The following CHD8 variants were observed in gnomAD, a reference collection of about 807,000 sequenced individuals.
CHD8 encodes ATP-dependent chromatin remodeler CHD8.
Under a neutral mutation model 279.2 loss-of-function variants are expected in CHD8, and 31 were observed. That is an observed-to-expected ratio of 0.11 (90% CI 0.08 to 0.15). The LOEUF is 0.15. Among genes scored for constraint, CHD8 ranks in the 10% least tolerant of loss-of-function variants. CHD8 has a pLI of 1.00. For missense variants in CHD8, 2,146 were observed against 3,230.5 expected (o/e 0.66, Z 8.14); for synonymous variants, 1,081 against 1,139.6 (o/e 0.95, Z 1.04).
chr14:21,401,824 GA>G, intron 20 of CHD8, 132 bp downstream of exon 20: 1 of 804,722 alleles, frequency 1.2e-6, no homozygotes, highest in Non-Finnish European at 2.0e-6. Context: ...GACCTCAAGT[GA>G]TCTGCCCGCC....
At chr14:21,414,092 A>C (rs1888619848) in intron 9 of CHD8, 15 of 493,504 alleles carry the variant, frequency 3.0e-5, no homozygotes, top group South Asian at 2.2e-4. Flanking sequence ...CAGTTTCAAA[A>C]TATCCTATAA....
In CHD8 at chr14:21,394,209, G is replaced by C. The variant is rs1887671961; in HGVS notation, c.5600-14C>G. On this transcript the variant is annotated splice_polypyrimidine_tract_variant and intron_variant, in intron 31 of 37. Transcript: ENST00000646647. ...GGTCGGGGGGTTCTGCAAGAGACAG[G>C]AGTAGAAGAAATTAACAGAGTTGCT... 1 of 1,610,140 alleles carries C rather than the reference G, an allele frequency of 6.2e-7. No homozygotes were observed. The highest frequency in any genetic ancestry group is 8.5e-7 in the Non-Finnish European group (1 of 1,177,104).
At position 21,390,840 on chromosome 14, in the gene CHD8, C is replaced by G. The variant is rs191818793; in HGVS notation, c.7182+107G>C. Reference sequence around the variant, plus strand: ...AACTCAAGATAATTCTTCACACAAACAAACATAGGAAAAAAGATAAATAAC... The same window carrying G: ...AACTCAAGATAATTCTTCACACAAAGAAACATAGGAAAAAAGATAAATAAC... On this transcript the variant is annotated intron_variant, in intron 37 of 37. Transcript: ENST00000646647. 175 of 645,718 alleles carry G rather than the reference C, an allele frequency of 2.7e-4. 1 individual carries two copies. The East Asian group carries it at 3.1e-3, about 11-fold the overall frequency. 40.0% of individuals were successfully genotyped at this position (645,718 alleles called of 1,614,324 possible). A position where few individuals can be genotyped will look rare whatever the true frequency, so the allele number is the denominator to read the frequency against.
Position 21,402,986 on chromosome 14 carries a change from A to T in CHD8, c.3714+31T>A. 6.5e-7 allele frequency: 1 copy of T among 1,546,354 alleles called. No homozygotes were observed. Among genetic ancestry groups the T allele is most frequent in the Non-Finnish European group, 8.9e-7 (1 of 1,125,274 alleles). On this transcript the variant is annotated intron_variant, in intron 18 of 37. Coordinates refer to ENST00000646647, the MANE Select transcript of CHD8 (RefSeq NM_001170629.2). The surrounding 1 kb of genome is among the most constrained non-coding windows in gnomAD (Gnocchi z 4.5). ...TGTTGAAAAATCTCCCAAGTTAGGT[A>T]GTTAGTCCCTAAGACAATGAATTCC...
At chr14:21,424,631 C>T (rs548757548) in intron 5 of CHD8, among the ~76,000 whole-genome samples, 9 of 152,128 alleles carry the variant, frequency 5.9e-5, no homozygotes, top group South Asian at 2.1e-4. Flanking sequence ...CCACCACGCC[C>T]GGCTAATTTT....
At chr14:21,428,406 T>A (rs771963463) in intron 3 of CHD8, among the ~76,000 whole-genome samples, 152 bp from the exon 4 acceptor site, 1 of 152,266 alleles carries the variant, frequency 6.6e-6, no homozygotes, top group Non-Finnish European at 1.5e-5. Context: ...ACCTACTTTT[T>A]AAAATGTATT....
intron 1 of CHD8, among the ~76,000 whole-genome samples, chr14:21,448,681 T>C (rs1890182880): frequency 6.6e-6 from 1 of 151,816 alleles, no homozygotes; most frequent in Non-Finnish European, 1.5e-5. Flanking sequence ...CTCAGCCTCC[T>C]GAGTAGCTGG....
In CHD8 at chr14:21,432,280, T is replaced by C. The variant is rs554456426; in HGVS notation, c.-215-422A>G. ...AAAGGTTTCTGGATATATTCTATTG[T>C]ATAAATTTTTCTTGTGTTTTATATA... On this transcript the variant is annotated intron_variant, in intron 1 of 37. Transcript: ENST00000646647. 1.4e-3 allele frequency among the ~76,000 whole-genome samples: 206 copies of C among 152,346 alleles called. 1 individual carries two copies. The highest frequency in any genetic ancestry group is 3.7e-3 in the African/African-American group (155 of 41,580).
At chr14:21,424,494 G>C (rs1889213089) in intron 5 of CHD8, among the ~76,000 whole-genome samples, 1 of 151,394 alleles carries the variant, frequency 6.6e-6, no homozygotes, top group African/African-American at 2.4e-5. Context: ...TTTTTGAGGT[G>C]GAGTTTCACT....
intron 27 of CHD8, chr14:21,397,019 C>T (rs1405654110): frequency 5.7e-6 from 1 of 176,874 alleles, no homozygotes; most frequent in East Asian, 1.5e-4. Context: ...ACACTTTGAT[C>T]AACACAGTTC....
intron 1 of CHD8, among the ~76,000 whole-genome samples, chr14:21,432,818 C>T (rs1889619888): frequency 6.6e-6 from 1 of 152,156 alleles, no homozygotes; most frequent in Admixed American, 6.5e-5. Flanking sequence ...AATACCCACA[C>T]CATTGTTTAT....
At chr14:21,389,680 T>C (rs1039072786) in intron 37 of CHD8, among the ~76,000 whole-genome samples, 1 of 152,118 alleles carries the variant, frequency 6.6e-6, no homozygotes, top group Non-Finnish European at 1.5e-5. Context: ...CAAGAGAAAC[T>C]TTTGCAGTTG....
chr14:21,385,470 A>ATTT lies in CHD8; in HGVS notation c.*140_*142dup. The stretch of plus-strand genomic sequence containing the variant: ...CTCATAATTGGGAGCAATCAGGTAC[A>ATTT]TTTTTTTTTTTTTTTCCTTTTCACC... On this transcript the variant is annotated 3_prime_UTR_variant, in exon 38 of 38. Transcript: ENST00000646647. The ATTT allele has an allele frequency of 1.6e-5, 17 of 1,073,934 alleles. No individual in the cohort carries two copies. The highest frequency in any genetic ancestry group is 2.0e-5 in the South Asian group (1 of 50,014). The allele number at this position is 1,073,934 out of a possible 1,614,324, so 66.5% of individuals were successfully genotyped here.
intron 1 of CHD8, among the ~76,000 whole-genome samples, chr14:21,443,158 G>C (rs1237415064): frequency 6.6e-6 from 1 of 152,100 alleles, no homozygotes; most frequent in Non-Finnish European, 1.5e-5. Flanking sequence ...TTGGGAGGCC[G>C]AGGCGGGAGG....
rs1297054280 is a variant in CHD8, at chr14:21,394,070, G to T, written c.5725C>A (p.Arg1909=). 6 of 1,613,814 alleles carry T rather than the reference G, an allele frequency of 3.7e-6. No individual in the cohort carries two copies. The highest frequency in any genetic ancestry group is 5.1e-6 in the Non-Finnish European group (6 of 1,179,866). The change falls in exon 32 of 38, where the codon CGG becomes AGG. Residue 1909 remains arginine (R), a synonymous_variant. Coordinates refer to ENST00000646647, the MANE Select transcript of CHD8 (RefSeq NM_001170629.2). ...CCAGGAGGCTGACACAATGCCAGCC[G>T]ATCTTCCAAAAGGGGGTGGCATAAA... ...QVLCHPLLED[R]LALCQPPGPE... is the part of the protein sequence containing the mutation.
intron 5 of CHD8, 56 bp downstream of exon 5, chr14:21,426,072 G>T: frequency 2.0e-6 from 2 of 1,018,566 alleles, no homozygotes; most frequent in South Asian, 1.4e-5. Flanking sequence ...TGCTTGGCTT[G>T]GTTAGCCATA....
intron 1 of CHD8, among the ~76,000 whole-genome samples, chr14:21,446,219 T>A (rs1212329589): frequency 1.3e-5 from 2 of 152,094 alleles, no homozygotes; most frequent in African/African-American, 4.8e-5. Context: ...TTTCCTTGAT[T>A]TCCCAGACTA....
At chr14:21,407,065 C>A in intron 13 of CHD8, 33 bp from the exon 14 acceptor site, 6 of 1,511,496 alleles carry the variant, frequency 4.0e-6, no homozygotes, top group Admixed American at 2.3e-5. Flanking sequence ...CAGAAAAAAC[C>A]AAAAATGTAC....
chr14:21,438,553 T>A (rs1227581374), intron 1 of CHD8, among the ~76,000 whole-genome samples: 1 of 145,586 alleles, frequency 6.9e-6, no homozygotes, highest in Admixed American at 6.9e-5. Flanking sequence ...AAAAGAAAGA[T>A]GCCGGGCGCA....
Sources: gnomAD v4.1 joint callset for allele counts (sites outside exome capture counted in the v4.1 genomes callset) on GRCh38, gnomAD v4.1.1 for gene constraint, Gnocchi (gnomAD v3.1) non-coding constraint, MANE v1.5 for transcripts, NCBI Gene and HGNC (gene_info 2026-07-23, HGNC 2026-07-21) for gene names.